Variants in POTEE observed in about 807,000 individuals in gnomAD.
POTEE encodes the protein POTE ankyrin domain family member E.
Under a neutral mutation model 74.2 loss-of-function variants are expected in POTEE, and 21 were observed. The observed-to-expected ratio is 0.28, with a 90% CI of 0.20 to 0.41. POTEE has a LOEUF of 0.41. POTEE is among the 10% of genes least tolerant of loss of function. POTEE has a pLI of 1.00. For missense variants in POTEE, 525 were observed against 1,158.6 expected (o/e 0.45, Z 7.94); for synonymous variants, 211 against 432.8 (o/e 0.49, Z 6.36).
intron 17 of POTEE, among the ~76,000 whole-genome samples, chr2:131,262,278 C>CT (rs1294947984): frequency 1.6e-5 from 2 of 126,422 alleles, no homozygotes. Flanking sequence ...ATTATCCTTA[C>CT]TTTTGCAGAG....
At chr2:131,221,794 A>G (rs1305991369) in intron 4 of POTEE, among the ~76,000 whole-genome samples, 2 of 152,234 alleles carry the variant, frequency 1.3e-5, no homozygotes, top group African/African-American at 2.4e-5. Context: ...GAAAATTAAA[A>G]TAGCAAATGT....
chr2:131,210,361 C>T (rs1184375310), intron 1 of POTEE, among the ~76,000 whole-genome samples: 2 of 147,628 alleles, frequency 1.4e-5, no homozygotes, highest in African/African-American at 2.5e-5. Context: ...GTTACACTGC[C>T]TGCAACTGGC....
intron 6 of POTEE, among the ~76,000 whole-genome samples, chr2:131,225,621 C>T (rs1700760544): frequency 6.8e-6 from 1 of 146,154 alleles, no homozygotes; most frequent in Admixed American, 6.9e-5. Flanking sequence ...GGCTGGAATG[C>T]AGTGGTGTGA....
chr2:131,264,932 T>C lies in POTEE; in HGVS notation c.*249T>C, dbSNP rs535984657. 114 of 629,394 alleles carry C rather than the reference T, an allele frequency of 1.8e-4. 1 individual carries two copies. The Admixed American group carries it at 3.3e-3, about 18-fold the overall frequency. The allele number at this position is 629,394 out of a possible 1,614,324, so 39.0% of individuals were successfully genotyped here. ...ACATTGTTCTTCTTTTCAATAGTCATTCCAAATATTGTGAGACGCATTGTT... is the reference window on the plus strand; with the variant it reads ...ACATTGTTCTTCTTTTCAATAGTCACTCCAAATATTGTGAGACGCATTGTT... On this transcript the variant is annotated 3_prime_UTR_variant, in exon 18 of 18. Coordinates refer to ENST00000683005, the MANE Select transcript of POTEE (RefSeq NM_001083538.3).
intron 9 of POTEE, among the ~76,000 whole-genome samples, chr2:131,233,802 G>A (rs900015371): frequency 1.3e-5 from 2 of 150,374 alleles, no homozygotes; most frequent in African/African-American, 2.5e-5. Flanking sequence ...GAATGAGAAA[G>A]GCTTGGGGGA....
intron 8 of POTEE, among the ~76,000 whole-genome samples, chr2:131,230,174 T>G (rs1023672455): frequency 4.6e-5 from 7 of 152,178 alleles, no homozygotes; most frequent in African/African-American, 1.7e-4. Context: ...GAGATATTTA[T>G]GAATAAATTT....
Position 131,230,882 on chromosome 2 carries a change from A to G in POTEE, c.1102A>G (p.Ile368Val), listed in dbSNP as rs1395193504. ...SDYKEKQMLK[I>V]SSENSNPEQE... ...CTACAAAGAAAAACAGATGCTAAAA[A>G]TCTCTTCTGAAAACAGCAATCCAGG... Residue 368 changes from isoleucine (I) to valine (V), a missense_variant, in exon 9 of 18, where the codon ATC becomes GTC. Transcript: ENST00000683005. 6.5e-7 allele frequency: 1 copy of G among 1,531,404 alleles called. No individual in the cohort carries two copies. The highest frequency in any genetic ancestry group is 1.9e-5 in the Admixed American group (1 of 51,464). 94.9% of individuals were successfully genotyped at this position (1,531,404 alleles called of 1,614,324 possible). A position where few individuals can be genotyped will look rare whatever the true frequency, so the allele number is the denominator to read the frequency against.
chr2:131,222,225 C>T (rs1700641295), intron 4 of POTEE, among the ~76,000 whole-genome samples: 1 of 152,110 alleles, frequency 6.6e-6, no homozygotes. Context: ...ACTATGCAGC[C>T]ATAAAAGAAG....
At chr2:131,212,970 T>G (rs1700387471) in intron 2 of POTEE, among the ~76,000 whole-genome samples, 1 of 150,198 alleles carries the variant, frequency 6.7e-6, no homozygotes, top group Non-Finnish European at 1.5e-5. Context: ...TGTAATTTTT[T>G]TTTTTTTGAG....
At chr2:131,210,733 G>A (rs1428508134) in intron 1 of POTEE, among the ~76,000 whole-genome samples, 51 of 148,852 alleles carry the variant, frequency 3.4e-4, no homozygotes, top group Non-Finnish European at 5.2e-4. Flanking sequence ...TGTCAGGAAC[G>A]GGAACCAGCA....
At chr2:131,237,332 G>A (rs1240045309) in intron 10 of POTEE, among the ~76,000 whole-genome samples, 1 of 148,702 alleles carries the variant, frequency 6.7e-6, no homozygotes, top group East Asian at 2.0e-4. Flanking sequence ...GTCAGTCACT[G>A]TGATACCAAG....
chr2:131,263,573 C>G lies in POTEE; in HGVS notation c.2118C>G (p.Ala706=). The change falls in exon 18 of 18, where the codon GCC becomes GCG. Residue 706 remains alanine (A), a synonymous_variant. Transcript: ENST00000683005. The part of the protein sequence containing the change: ...LNELTMDDDT[A]VLVIDNGSGM... ...AGCTCACCATGGATGATGATACCGC[C>G]GTGCTCGTCATTGACAACGGCTCTG... 1 of 1,602,344 alleles carries G rather than the reference C, an allele frequency of 6.2e-7. No individual in the cohort carries two copies. Among genetic ancestry groups the G allele is most frequent in the Non-Finnish European group, 8.5e-7 (1 of 1,175,924 alleles).
chr2:131,210,559 G>T (rs552126309), intron 1 of POTEE, among the ~76,000 whole-genome samples: 1 of 152,038 alleles, frequency 6.6e-6, no homozygotes, highest in African/African-American at 2.4e-5. Context: ...GTTCCTGCTC[G>T]TGCAATCTTG....
chr2:131,218,153 G>C, intron 3 of POTEE, 157 bp from the exon 4 acceptor site: 1 of 851,674 alleles, frequency 1.2e-6, no homozygotes, highest in Non-Finnish European at 1.8e-6. Context: ...GGCCCTTTCT[G>C]GGGTTGGCCC....
At position 131,263,856 on chromosome 2, in the gene POTEE, C is replaced by G; in HGVS notation, c.2401C>G (p.His801Asp). ...YNELRVAPEE[H>D]PILLTEAPLN... ...CGAGCTGCGTGTGGCTCCCGAGGAG[C>G]ACCCCATCCTGCTGACCGAGGCCCC... The change falls in exon 18 of 18, where the codon CAC (histidine) becomes GAC (aspartate). Residue 801 changes from histidine to aspartate, a missense_variant. Transcript: ENST00000683005. The G allele has an allele frequency of 6.2e-7, 1 of 1,614,190 alleles. No individual in the cohort carries two copies. Among genetic ancestry groups the G allele is most frequent in the Non-Finnish European group, 8.5e-7 (1 of 1,180,030 alleles).
intron 9 of POTEE, among the ~76,000 whole-genome samples, chr2:131,236,151 A>G (rs998045156): frequency 1.3e-5 from 2 of 152,168 alleles, no homozygotes; most frequent in Admixed American, 6.5e-5. Flanking sequence ...TTGCAGCTGC[A>G]TTGAAGGACA....
chr2:131,223,825 T>C (rs963096434), intron 5 of POTEE, 45 bp from the exon 6 acceptor site: 8 of 1,487,222 alleles, frequency 5.4e-6, no homozygotes, highest in Non-Finnish European at 7.2e-6. Flanking sequence ...AATGTTATTT[T>C]GAATTCCTAA....
At chr2:131,227,405 C>T (rs561464174) in intron 7 of POTEE, among the ~76,000 whole-genome samples, 21 of 146,788 alleles carry the variant, frequency 1.4e-4, no homozygotes. Flanking sequence ...TTAGTGTTAG[C>T]TTATCCCTAC....
intron 7 of POTEE, 103 bp downstream of exon 7, chr2:131,227,032 G>C: frequency 6.9e-7 from 1 of 1,455,880 alleles, no homozygotes; most frequent in Non-Finnish European, 9.3e-7. Flanking sequence ...GGGATGTAGT[G>C]ATCAGTATCA....
Sources: allele counts gnomAD v4.1 joint callset (sites outside exome capture counted in the v4.1 genomes callset), GRCh38; gene constraint gnomAD v4.1.1; transcripts MANE v1.5; gene names NCBI Gene and HGNC (gene_info 2026-07-23, HGNC 2026-07-21).